The following CYLD variants were observed in gnomAD, a reference collection of about 807,000 sequenced individuals.
CYLD encodes CYLD lysine 63 deubiquitinase.
In CYLD, 26 loss-of-function variants were observed where a neutral mutation model predicts 104.5. The ratio of observed to expected loss-of-function variants is 0.25; its 90% CI spans 0.18 to 0.35. The LOEUF is 0.35. CYLD is among the 10% of genes least tolerant of loss of function. The probability of loss-of-function intolerance (pLI) is 1.00; values close to 1 mark genes in which losing one functional copy is unlikely to be tolerated. For synonymous variants in CYLD, 385 were observed against 399.9 expected, an observed-to-expected ratio of 0.96 and a Z score of 0.45; for missense variants, 703 against 1,136.1, an observed-to-expected ratio of 0.62 and a Z score of 5.48.
intron 10 of CYLD, 71 bp from the exon 11 acceptor site, chr16:50,782,254 T>G: frequency 8.5e-7 from 1 of 1,180,570 alleles, no homozygotes; most frequent in Non-Finnish European, 1.2e-6. Flanking sequence ...GAAAAAATAT[T>G]TATGGGAATA....
chr16:50,785,819 C>A, intron 12 of CYLD: 1 of 152,240 alleles, frequency 6.6e-6, no homozygotes, highest in Non-Finnish European at 1.5e-5. Context: ...CTTCAGAGAC[C>A]CTGTCTTTTT....
chr16:50,761,682 T>C (rs1167911252), intron 5 of CYLD, among the ~76,000 whole-genome samples: 1 of 152,226 alleles, frequency 6.6e-6, no homozygotes, highest in Non-Finnish European at 1.5e-5. Context: ...TGAGTTACTG[T>C]AAGGTTATAA....
chr16:50,770,116 G>T lies in CYLD; in HGVS notation c.914-5050G>T, dbSNP rs1305745001. 1.3e-5 allele frequency among the ~76,000 whole-genome samples: 2 copies of T among 152,042 alleles called. 1 individual carries two copies. The highest frequency in any genetic ancestry group is 4.2e-4 in the South Asian group (2 of 4,814). On this transcript the variant is annotated intron_variant, in intron 5 of 18. Transcript: ENST00000427738. ...ATGAATAATGCTTTTATAAATATTT[G>T]TGTGTAGTTTCCTGAGTGCACATAA...
At chr16:50,742,585 G>A (rs1965797484) in intron 1 of CYLD, 177 bp from the exon 2 acceptor site, 2 of 380,446 alleles carry the variant, frequency 5.3e-6, no homozygotes, top group Non-Finnish European at 9.3e-6. Context: ...CTGAGGCACA[G>A]GCCGCTGGCG....
At chr16:50,788,523 G>A (rs1971078691) in intron 14 of CYLD, among the ~76,000 whole-genome samples, 1 of 152,144 alleles carries the variant, frequency 6.6e-6, no homozygotes, top group African/African-American at 2.4e-5. Flanking sequence ...AAGTGATATT[G>A]TTTGATGCCA....
chr16:50,761,514 A>T (rs368062132), intron 5 of CYLD, among the ~76,000 whole-genome samples: 2 of 151,970 alleles, frequency 1.3e-5, no homozygotes, highest in Non-Finnish European at 1.5e-5. Flanking sequence ...GACTTTGCTT[A>T]CTCTGGGTAT....
At chr16:50,771,023 G>A (rs1430643915) in intron 5 of CYLD, among the ~76,000 whole-genome samples, 3 of 151,966 alleles carry the variant, frequency 2.0e-5, no homozygotes, top group East Asian at 1.9e-4. Flanking sequence ...TGTCAAGTTC[G>A]ACAACTTTTG....
chr16:50,762,861 T>G (rs369084393), intron 5 of CYLD, among the ~76,000 whole-genome samples: 4 of 152,260 alleles, frequency 2.6e-5, no homozygotes, highest in Non-Finnish European at 5.9e-5. Flanking sequence ...ATTGACTTTT[T>G]TTTTAGAAAA....
intron 5 of CYLD, among the ~76,000 whole-genome samples, chr16:50,757,543 A>AT (rs34683241): frequency 0.32 from 47,218 of 149,322 alleles, 8,557 homozygotes; most frequent in Non-Finnish European, 0.42. Context: ...GTTTTTCATG[A>AT]TTTTTTTTTT....
intron 7 of CYLD, among the ~76,000 whole-genome samples, chr16:50,776,803 C>G (rs752291915): frequency 2.6e-5 from 4 of 152,062 alleles, no homozygotes; most frequent in Non-Finnish European, 5.9e-5. Flanking sequence ...GTTATACAAG[C>G]CAAAGAGCTC....
intron 5 of CYLD, among the ~76,000 whole-genome samples, chr16:50,756,668 C>G (rs1019658812): frequency 1.3e-5 from 2 of 152,126 alleles, no homozygotes; most frequent in African/African-American, 2.4e-5. Flanking sequence ...TCTCATTGAG[C>G]ATTATGCAAG....
In CYLD at chr16:50,797,520, T is replaced by C; in HGVS notation, c.*1012T>C. 4.3e-6 allele frequency: 1 copy of C among 232,560 alleles called. No individual in the cohort carries two copies. Among genetic ancestry groups the C allele is most frequent in the Non-Finnish European group, 8.5e-6 (1 of 117,564 alleles). 14.4% of individuals were successfully genotyped at this position (232,560 alleles called of 1,614,324 possible). On this transcript the variant is annotated 3_prime_UTR_variant, in exon 19 of 19. Coordinates refer to ENST00000427738, the MANE Select transcript of CYLD (RefSeq NM_001378743.1). ...AGAATCAGATATGTTATCGAAATGT[T>C]AGCAGCAGCTTCATCCTCCTTCTGA...
rs1204657786 is a variant in CYLD at position 50,754,997 on chromosome 16, GTA to G, written c.913+580_913+581del. Among the ~76,000 whole-genome samples the G allele has an allele frequency of 1.5e-3, 11 of 7,556 alleles. No individual in the cohort carries two copies. In the East Asian group the frequency reaches 0.016, roughly 11 times the overall value. The allele number at this position is 7,556 out of a possible 152,430, so 5.0% of individuals were successfully genotyped here. ...TATGTATACATATATACATATATAT[GTA>G]TATATACATATATATGTATATATAC... On this transcript the variant is annotated intron_variant, in intron 5 of 18. Coordinates refer to ENST00000427738, the MANE Select transcript of CYLD (RefSeq NM_001378743.1).
chr16:50,755,794 A>T (rs903546381), intron 5 of CYLD, among the ~76,000 whole-genome samples: 9 of 152,058 alleles, frequency 5.9e-5, no homozygotes, highest in Non-Finnish European at 8.8e-5. Flanking sequence ...TCTTTGTAGG[A>T]TGTATAGATT....
intron 5 of CYLD, among the ~76,000 whole-genome samples, chr16:50,754,984 TATA>T (rs1966870855): frequency 6.3e-4 from 9 of 14,260 alleles, no homozygotes; most frequent in African/African-American, 3.3e-3. Flanking sequence ...TGTATACATA[TATA>T]CATATATATG....
At chr16:50,768,373 C>G in intron 5 of CYLD, among the ~76,000 whole-genome samples, 1 of 152,030 alleles carries the variant, frequency 6.6e-6, no homozygotes, top group African/African-American at 2.4e-5. Flanking sequence ...AAAGTGTCTC[C>G]TTTAGTTCCT....
chr16:50,772,903 G>A (rs1435749881), intron 5 of CYLD, among the ~76,000 whole-genome samples: 1 of 152,124 alleles, frequency 6.6e-6, no homozygotes, highest in Non-Finnish European at 1.5e-5. Flanking sequence ...GCAACTTTTG[G>A]TGTTATCTAT....
In CYLD at chr16:50,800,895, G is replaced by A; in HGVS notation, c.*4387G>A. ...CAGGTGAGGAGTCGGGGAGGAGAAA[G>A]CGATGTTAAAATGAAAACTCACTGC... is the stretch of plus-strand genomic sequence containing the variant. On this transcript the variant is annotated 3_prime_UTR_variant, in exon 19 of 19. Transcript: ENST00000427738. The A allele has an allele frequency of 4.3e-6, 1 of 233,440 alleles. No individual in the cohort carries two copies. Among genetic ancestry groups the A allele is most frequent in the East Asian group, 6.0e-5 (1 of 16,738 alleles). 14.5% of individuals were successfully genotyped at this position (233,440 alleles called of 1,614,324 possible). A position where few individuals can be genotyped will look rare whatever the true frequency, so the allele number is the denominator to read the frequency against.
chr16:50,772,084 T>C (rs1473437187), intron 5 of CYLD, among the ~76,000 whole-genome samples: 1 of 152,252 alleles, frequency 6.6e-6, no homozygotes, highest in Non-Finnish European at 1.5e-5. Flanking sequence ...TGTACATCTA[T>C]ACAAAATCTT....
Sources: allele counts gnomAD v4.1 joint callset (sites outside exome capture counted in the v4.1 genomes callset), GRCh38; gene constraint gnomAD v4.1.1; transcripts MANE v1.5; gene names NCBI Gene and HGNC (gene_info 2026-07-23, HGNC 2026-07-21).